CAMK2A: variants seen among roughly 807,000 people sequenced by gnomAD.
CAMK2A encodes calcium/calmodulin dependent protein kinase II alpha.
CAMK2A carries 7 observed loss-of-function variants against 79.2 expected under a neutral mutation model. The observed-to-expected ratio is 0.09, with a 90% CI of 0.05 to 0.17. The LOEUF is 0.17. Ranked by LOEUF, CAMK2A falls within the 10% of genes least tolerant of loss-of-function variation. CAMK2A has a pLI of 1.00. For missense variants in CAMK2A, 214 were observed against 646.4 expected, an observed-to-expected ratio of 0.33 and a Z score of 7.25; for synonymous variants, 242 against 251.7, an observed-to-expected ratio of 0.96 and a Z score of 0.36.
intron 1 of CAMK2A, among the ~76,000 whole-genome samples, chr5:150,282,820 A>G (rs1757270970): frequency 6.6e-6 from 1 of 152,266 alleles, no homozygotes; most frequent in African/African-American, 2.4e-5. Flanking sequence ...CAAGGAAGGT[A>G]AGGCCATGGA....
chr5:150,256,039 G>A lies in CAMK2A; in HGVS notation c.411+534C>T, dbSNP rs2150284228. On this transcript the variant is annotated intron_variant, in intron 6 of 18. Transcript: ENST00000671881. The surrounding 1 kb of genome is among the most constrained non-coding windows in gnomAD (Gnocchi z 4.6). ...AATCTCCTTCAGGTAAAAGAAAGGA[G>A]AACTGCACGGGCCTAGAGTCTGGTT... Among the ~76,000 whole-genome samples the A allele has an allele frequency of 6.6e-6, 1 of 152,302 alleles. No individual in the cohort carries two copies. The highest frequency in any genetic ancestry group is 6.5e-5 in the Admixed American group (1 of 15,302).
At chr5:150,229,094 C>T (rs1324286886) in intron 16 of CAMK2A, among the ~76,000 whole-genome samples, 1 of 152,108 alleles carries the variant, frequency 6.6e-6, no homozygotes, top group Non-Finnish European at 1.5e-5. Flanking sequence ...CAGGAAATGT[C>T]CCAGGACAAG....
rs376028416 is a variant in CAMK2A at position 150,257,829 on chromosome 5, G to A, written c.218-212C>T. ...CTCAGGCATTACTGAAAGAGGGCTG[G>A]GCTTCAACATGAAAGATGCCTGTTT... On this transcript the variant is annotated intron_variant, in intron 3 of 18. Transcript: ENST00000671881. Among the ~76,000 whole-genome samples, 15 of 152,238 alleles carry A rather than the reference G, an allele frequency of 9.9e-5. 1 individual carries two copies. Among genetic ancestry groups the A allele is most frequent in the African/African-American group, 3.4e-4 (14 of 41,552 alleles).
intron 1 of CAMK2A, among the ~76,000 whole-genome samples, chr5:150,282,270 G>C (rs1226447253): frequency 6.6e-6 from 1 of 152,182 alleles, no homozygotes; most frequent in South Asian, 2.1e-4. Context: ...GAAGGGCTAG[G>C]AACCGGAAGA....
At chr5:150,246,078 G>C (rs1049138354) in intron 12 of CAMK2A, among the ~76,000 whole-genome samples, 1 of 152,268 alleles carries the variant, frequency 6.6e-6, no homozygotes, top group Non-Finnish European at 1.5e-5. Context: ...TGGTAGCCAT[G>C]ATAAGACTTC....
chr5:150,255,457 CG>C (rs1756016068), intron 6 of CAMK2A, among the ~76,000 whole-genome samples: 1 of 152,250 alleles, frequency 6.6e-6, no homozygotes, highest in Non-Finnish European at 1.5e-5. Flanking sequence ...AATCACACTC[CG>C]GGAGGACCGT....
chr5:150,270,458 G>C (rs1350269828), intron 2 of CAMK2A, among the ~76,000 whole-genome samples: 1 of 152,168 alleles, frequency 6.6e-6, no homozygotes, highest in Admixed American at 6.5e-5. Context: ...GAAGAGGCTG[G>C]GCAGGGTGGG....
At chr5:150,239,505 G>A (rs1222063861) in intron 14 of CAMK2A, among the ~76,000 whole-genome samples, 199 bp downstream of exon 14, 6 of 152,232 alleles carry the variant, frequency 3.9e-5, no homozygotes, top group Admixed American at 2.6e-4. Flanking sequence ...GGTCTGGGCC[G>A]TGGAGTTGGA....
At chr5:150,239,842 T>C in intron 13 of CAMK2A, 106 bp from the exon 14 acceptor site, 2 of 925,108 alleles carry the variant, frequency 2.2e-6, no homozygotes, top group Admixed American at 1.8e-5. Context: ...GGCCTCGGGG[T>C]CATCCTCTGT....
intron 12 of CAMK2A, among the ~76,000 whole-genome samples, chr5:150,247,474 C>A (rs1334160673): frequency 6.6e-6 from 1 of 152,242 alleles, no homozygotes; most frequent in Non-Finnish European, 1.5e-5. Flanking sequence ...CAATCCCCTG[C>A]AATCAGAAGC....
intron 16 of CAMK2A, 67 bp downstream of exon 16, chr5:150,231,238 G>T: frequency 2.4e-6 from 2 of 827,952 alleles, no homozygotes; most frequent in Non-Finnish European, 3.8e-6. Flanking sequence ...GACCCCCAAA[G>T]TTAGCCATTG....
At chr5:150,272,151 A>G (rs1320655676) in intron 2 of CAMK2A, among the ~76,000 whole-genome samples, 2 of 152,220 alleles carry the variant, frequency 1.3e-5, no homozygotes, top group African/African-American at 4.8e-5. Flanking sequence ...GGTGCAGAGT[A>G]GCCCATACTC....
At chr5:150,228,682 T>C (rs576245211) in intron 16 of CAMK2A, among the ~76,000 whole-genome samples, 1 of 152,286 alleles carries the variant, frequency 6.6e-6, no homozygotes, top group Admixed American at 6.5e-5. Context: ...GGGGGCTTTT[T>C]CTAATTTGTC....
Position 150,250,672 on chromosome 5 carries a change from G to C in CAMK2A, c.816+16C>G, listed in dbSNP as rs1755792513. The C allele has an allele frequency of 6.2e-7, 1 of 1,613,640 alleles. No individual in the cohort carries two copies. Among genetic ancestry groups the C allele is most frequent in the African/African-American group, 1.3e-5 (1 of 74,892 alleles). ...TGGAGGGGCTCCTGGGAGAAGTCCT[G>C]CTGAGGAAGGCTCACCGAGATCCAG... On this transcript the variant is annotated intron_variant, in intron 10 of 18. Transcript: ENST00000671881.
Position 150,221,336 on chromosome 5 carries a change from G to T in CAMK2A, c.*1374C>A. 2.5e-6 allele frequency: 1 copy of T among 398,158 alleles called. No individual in the cohort carries two copies. The highest frequency in any genetic ancestry group is 3.5e-5 in the East Asian group (1 of 28,186). 24.7% of individuals were successfully genotyped at this position (398,158 alleles called of 1,614,324 possible). ...AGAGAATGCGAACCCGAGGCTGCAG[G>T]ATGAGGCATGAAGAGTAGAAATTCC... On this transcript the variant is annotated 3_prime_UTR_variant, in exon 19 of 19. Coordinates refer to ENST00000671881, the MANE Select transcript of CAMK2A (RefSeq NM_015981.4).
At chr5:150,282,941 A>T (rs750727051) in intron 1 of CAMK2A, among the ~76,000 whole-genome samples, 24 of 152,308 alleles carry the variant, frequency 1.6e-4, no homozygotes, top group Middle Eastern at 3.4e-3. Flanking sequence ...CCTTCTGTGG[A>T]GCTGAAAGCT....
chr5:150,249,893 T>C (rs929944210), intron 11 of CAMK2A, among the ~76,000 whole-genome samples: 6 of 152,176 alleles, frequency 3.9e-5, no homozygotes, highest in Non-Finnish European at 8.8e-5. Flanking sequence ...CTGCTTATCC[T>C]CCAAGGTCTC....
intron 11 of CAMK2A, among the ~76,000 whole-genome samples, chr5:150,248,384 G>T (rs1018195124): frequency 2.0e-5 from 3 of 149,234 alleles, no homozygotes; most frequent in African/African-American, 7.4e-5. Flanking sequence ...TGTGCACAAC[G>T]TGCAGGTTTG....
intron 3 of CAMK2A, among the ~76,000 whole-genome samples, chr5:150,264,634 G>A (rs1463127895): frequency 6.6e-6 from 1 of 152,206 alleles, no homozygotes; most frequent in Non-Finnish European, 1.5e-5. Flanking sequence ...TGGGGAATGG[G>A]CCACAGCGGT....
Sources: gnomAD v4.1 joint callset for allele counts (sites outside exome capture counted in the v4.1 genomes callset) on GRCh38, gnomAD v4.1.1 for gene constraint, Gnocchi (gnomAD v3.1) non-coding constraint, MANE v1.5 for transcripts, NCBI Gene and HGNC (gene_info 2026-07-23, HGNC 2026-07-21) for gene names.